Variants in SASH1 observed in about 807,000 individuals in gnomAD.
SASH1 encodes the protein SAM and SH3 domain containing 1.
In SASH1, 44 loss-of-function variants were observed where a neutral mutation model predicts 125.2. The observed-to-expected ratio is 0.35, with a 90% confidence interval of 0.28 to 0.45. The LOEUF (loss-of-function observed/expected upper bound fraction) is 0.45. Among genes scored for constraint, SASH1 ranks in the 20% least tolerant of loss-of-function variants. The pLI is 1.00. For missense variants in SASH1, 1,426 were observed against 1,614.5 expected (o/e 0.88, Z 2.00); for synonymous variants, 639 against 649.1 (o/e 0.98, Z 0.24).
chr6:148,318,550 A>C (rs765231005), intron 1 of SASH1, among the ~76,000 whole-genome samples: 10 of 119,920 alleles, frequency 8.3e-5, no homozygotes, highest in South Asian at 3.1e-4. Flanking sequence ...TATACTACTA[A>C]TTTCTTTTTT....
chr6:148,343,210 T>C lies in SASH1; in HGVS notation c.143T>C (p.Val48Ala). Residue 48 changes from valine to alanine, a missense_variant, in exon 1 of 20, where the codon GTG (valine) becomes GCG (alanine). Physicochemically the swap from Val to Ala is moderately conservative, Grantham distance 64 (BLOSUM62 0). Coordinates refer to ENST00000367467, the MANE Select transcript of SASH1 (RefSeq NM_015278.5). ...GCGTTCTCCCGACTCTGGACCGACG[T>C]GATGGGTATCCTGGTAAGTTACCTG... ...SEAFSRLWTD[V>A]MGILDGSLGN... The C allele has an allele frequency of 6.3e-7, 1 of 1,591,464 alleles. No homozygotes were observed. Among genetic ancestry groups the C allele is most frequent in the Non-Finnish European group, 8.5e-7 (1 of 1,174,512 alleles).
chr6:148,371,971 C>T (rs190061407), intron 1 of SASH1, among the ~76,000 whole-genome samples: 1 of 152,220 alleles, frequency 6.6e-6, no homozygotes, highest in African/African-American at 2.4e-5. Context: ...AAAAATTATC[C>T]AGAGTTCTCA....
rs201264594 is a variant in SASH1, at chr6:148,519,686, G to A, written c.1002G>A (p.Thr334=). 3.5e-5 allele frequency: 56 copies of A among 1,614,068 alleles called. No individual in the cohort carries two copies. Among genetic ancestry groups the A allele is most frequent in the Admixed American group, 1.0e-4 (6 of 60,002 alleles). The change falls in exon 10 of 20, where the codon ACG becomes ACA. Residue 334 remains threonine, a synonymous_variant. Transcript: ENST00000367467. This position sits in a 1 kb window ranked among gnomAD's most constrained non-coding sequence, Gnocchi z 4.8. ...PPEDDSDSLT[T]SPSSSSLDTW... The stretch of plus-strand genomic sequence containing the variant: ...AAGATGACTCAGACTCTCTCACCAC[G>A]TCTCCATCCTCCAGCAGCCTGGACA...
In SASH1 at chr6:148,291,432, G is replaced by A. The variant is rs187021675; in HGVS notation, n.74+19055G>A. Among the ~76,000 whole-genome samples, 55 of 152,232 alleles carry A rather than the reference G, an allele frequency of 3.6e-4. No individual in the cohort carries two copies. In the East Asian group the frequency reaches 9.8e-3, roughly 27 times the overall value. ...ACAGTGGCTCATGCCTGTAATCCCA[G>A]GACTTTGAGATGCCAAGGTGGGCAG... On this transcript the variant is annotated intron_variant and non_coding_transcript_variant, in intron 1 of 3. Transcript: ENST00000367469.
At chr6:148,391,026 A>G (rs915520488) in intron 2 of SASH1, among the ~76,000 whole-genome samples, 1 of 151,622 alleles carries the variant, frequency 6.6e-6, no homozygotes, top group Non-Finnish European at 1.5e-5. Context: ...CCTAGCAATA[A>G]TCACGTTGGT....
chr6:148,301,337 A>C (rs1779938401), intron 1 of SASH1, among the ~76,000 whole-genome samples: 1 of 151,640 alleles, frequency 6.6e-6, no homozygotes, highest in African/African-American at 2.4e-5. Flanking sequence ...AAAAAAAAAA[A>C]AAAAAAAAAA....
chr6:148,403,058 G>T (rs1222410709), intron 2 of SASH1, among the ~76,000 whole-genome samples: 1 of 152,096 alleles, frequency 6.6e-6, no homozygotes, highest in Non-Finnish European at 1.5e-5. Flanking sequence ...CAGCTAGTAA[G>T]TATCAGAGAT....
the SASH1 span, among the ~76,000 whole-genome samples, chr6:148,242,104 A>C: frequency 2.2e-3 from 342 of 152,336 alleles, 2 homozygotes; most frequent in Middle Eastern, 0.01. Flanking sequence ...TCGTAAGATA[A>C]TGTAGGACTA....
Position 148,390,240 on chromosome 6 carries a change from G to T in SASH1, c.263G>T (p.Arg88Leu), listed in dbSNP as rs756096232. The change falls in exon 2 of 20, where the codon CGG becomes CTG. Residue 88 changes from arginine to leucine, a missense_variant. Around this residue, in one of 3 missense-constraint regions of SASH1, gnomAD observed 567 missense variants for 575.6 expected, o/e 0.99. Transcript: ENST00000367467. The stretch of plus-strand genomic sequence containing the variant: ...AGGATGGAGGAGCTGCGGAAACGGC[G>T]GGTTTCCCAGGACCTGGAAGTGGTG... ...CERMEELRKR[R>L]VSQDLEVEKP... is the part of the protein sequence containing the mutation. 1.9e-6 allele frequency: 3 copies of T among 1,611,714 alleles called. No homozygotes were observed. Among genetic ancestry groups the T allele is most frequent in the Non-Finnish European group, 2.5e-6 (3 of 1,179,380 alleles).
At chr6:148,198,591 A>G in the SASH1 span, among the ~76,000 whole-genome samples, 4 of 152,258 alleles carry the variant, frequency 2.6e-5, no homozygotes, top group African/African-American at 9.6e-5. Context: ...AAGGGGAAGC[A>G]AGCCACCACA....
intron 1 of SASH1, among the ~76,000 whole-genome samples, chr6:148,316,058 T>C (rs1231232076): frequency 6.6e-6 from 1 of 152,232 alleles, no homozygotes; most frequent in East Asian, 1.9e-4. Context: ...GGAGCACCAA[T>C]GTTTTGAAAA....
chr6:148,526,805 A>AGAG (rs1781192440), intron 11 of SASH1, among the ~76,000 whole-genome samples: 1 of 151,856 alleles, frequency 6.6e-6, no homozygotes, highest in African/African-American at 2.4e-5. Flanking sequence ...GCAATTCGGT[A>AGAG]GTATTATCCC....
chr6:148,287,996 A>G (rs1217158596), intron 1 of SASH1, among the ~76,000 whole-genome samples: 5 of 152,222 alleles, frequency 3.3e-5, no homozygotes, highest in Non-Finnish European at 7.3e-5. Context: ...AAGCAAGTCC[A>G]CTTTTTTGGT....
At chr6:148,377,966 C>T (rs1458516149) in intron 1 of SASH1, among the ~76,000 whole-genome samples, 1 of 152,108 alleles carries the variant, frequency 6.6e-6, no homozygotes, top group East Asian at 1.9e-4. Context: ...AACTACCTTA[C>T]TCTGGGTCAG....
At chr6:148,508,684 A>T in intron 8 of SASH1, 5 of 1,180,464 alleles carry the variant, frequency 4.2e-6, no homozygotes, top group Non-Finnish European at 5.3e-6. Flanking sequence ...TCTCCTTCGG[A>T]TACTGAGCTG....
At chr6:148,244,497 A>G in the SASH1 span, among the ~76,000 whole-genome samples, 1 of 152,224 alleles carries the variant, frequency 6.6e-6, no homozygotes, top group Non-Finnish European at 1.5e-5. Flanking sequence ...TTATGATGAT[A>G]CAAATGTCAC....
At chr6:148,305,623 C>CAAAAAAAAAA (rs59521298) in intron 1 of SASH1, among the ~76,000 whole-genome samples, 8 of 104,352 alleles carry the variant, frequency 7.7e-5, no homozygotes, top group African/African-American at 1.9e-4. Context: ...GACTCTGACT[C>CAAAAAAAAAA]AAAAAAAAAA....
intron 2 of SASH1, among the ~76,000 whole-genome samples, chr6:148,420,303 C>T (rs1283123530): frequency 1.3e-5 from 2 of 152,082 alleles, no homozygotes; most frequent in Admixed American, 1.3e-4. Flanking sequence ...CATTTTTGTT[C>T]TGCTTTCGAC....
Position 148,519,467 on chromosome 6 carries a change from G to GGGTC in SASH1, c.863-80_863-79insGGTC. ...TTTATAAAGAGGGTCATGATACGGA[G>GGGTC]AAAGGTGGTGAATGTAAAGAAAGAT... is the stretch of plus-strand genomic sequence containing the variant. On this transcript the variant is annotated intron_variant, in intron 9 of 19. Coordinates refer to ENST00000367467, the MANE Select transcript of SASH1 (RefSeq NM_015278.5). The surrounding 1 kb of genome is among the most constrained non-coding windows in gnomAD (Gnocchi z 4.8). 1 of 1,030,742 alleles carries GGGTC rather than the reference G, an allele frequency of 9.7e-7. No individual in the cohort carries two copies. Among genetic ancestry groups the GGGTC allele is most frequent in the Non-Finnish European group, 1.5e-6 (1 of 685,648 alleles). The allele number at this position is 1,030,742 out of a possible 1,614,324, so 63.8% of individuals were successfully genotyped here.
Sources: gnomAD v4.1 joint callset for allele counts (sites outside exome capture counted in the v4.1 genomes callset) on GRCh38, gnomAD v4.1.1 for gene constraint, gnomAD v4.1.1 regional missense constraint, Gnocchi (gnomAD v3.1) non-coding constraint, MANE v1.5 for transcripts, NCBI Gene and HGNC (gene_info 2026-07-23, HGNC 2026-07-21) for gene names.